Variants in ACYP2 observed in about 807,000 individuals in gnomAD.
ACYP2 encodes acylphosphatase 2.
In ACYP2, 12 loss-of-function variants were observed where a neutral mutation model predicts 11.2. The observed-to-expected ratio is 1.08, with a 90% CI of 0.69 to 1.74. The LOEUF (loss-of-function observed/expected upper bound fraction) is 1.74. Among genes scored for constraint, ACYP2 ranks in the 40% most tolerant of loss-of-function variants. ACYP2 has a pLI of 0.00. For missense variants in ACYP2, 134 were observed against 101.9 expected (o/e 1.31, Z -1.35); for synonymous variants, 43 against 32.2 (o/e 1.33, Z -1.13).
At chr2:54,195,658 A>C (rs34716415) in intron 6 of ACYP2, among the ~76,000 whole-genome samples, 1 of 146,440 alleles carries the variant, frequency 6.8e-6, no homozygotes, top group African/African-American at 2.5e-5. Context: ...AAAACAAAAC[A>C]CTGTACTAAC....
intron 6 of ACYP2, among the ~76,000 whole-genome samples, chr2:54,158,109 T>A (rs1359765063): frequency 6.6e-6 from 1 of 151,898 alleles, no homozygotes; most frequent in African/African-American, 2.4e-5. Context: ...CGCTGCAACC[T>A]CTGCCTCCCA....
chr2:54,222,033 A>C (rs1685820356), intron 6 of ACYP2, among the ~76,000 whole-genome samples: 1 of 152,162 alleles, frequency 6.6e-6, no homozygotes, highest in Admixed American at 6.5e-5. Context: ...GGCAGTCAAC[A>C]CATATTTATT....
chr2:54,221,283 A>T (rs1008434446), intron 6 of ACYP2, among the ~76,000 whole-genome samples: 2 of 152,202 alleles, frequency 1.3e-5, no homozygotes, highest in African/African-American at 4.8e-5. Flanking sequence ...AAGTCACTAA[A>T]TTTGGGGTGC....
intron 4 of ACYP2, among the ~76,000 whole-genome samples, chr2:54,066,745 G>C (rs930937311): frequency 1.3e-5 from 2 of 152,192 alleles, no homozygotes; most frequent in African/African-American, 2.4e-5. Flanking sequence ...AGTTAAAGAA[G>C]TAGTTAAAGG....
At chr2:54,255,978 C>T (rs1294411786) in intron 6 of ACYP2, 3 of 1,614,148 alleles carry the variant, frequency 1.9e-6, no homozygotes, top group Admixed American at 1.7e-5. Context: ...GGGGCGCGAC[C>T]CCCTCCTCTG....
intron 6 of ACYP2, among the ~76,000 whole-genome samples, chr2:54,204,318 T>A (rs1045228460): frequency 1.3e-5 from 2 of 151,894 alleles, no homozygotes; most frequent in African/African-American, 4.8e-5. Flanking sequence ...TTTTATGATT[T>A]TTTTTTTCAG....
At chr2:54,212,306 C>T (rs190521537) in intron 6 of ACYP2, among the ~76,000 whole-genome samples, 51 of 152,254 alleles carry the variant, frequency 3.3e-4, no homozygotes, top group Non-Finnish European at 1.6e-4. Context: ...GATGGATTGC[C>T]TTTCACATTG....
At chr2:54,280,455 G>A (rs755701359) in intron 6 of ACYP2, among the ~76,000 whole-genome samples, 9 of 152,086 alleles carry the variant, frequency 5.9e-5, no homozygotes, top group Non-Finnish European at 1.3e-4. Context: ...CAGCTTTCAT[G>A]ATAAACATGG....
intron 6 of ACYP2, among the ~76,000 whole-genome samples, chr2:54,240,178 A>C (rs1254361991): frequency 6.6e-6 from 1 of 152,164 alleles, no homozygotes; most frequent in African/African-American, 2.4e-5. Flanking sequence ...ATGCCCATAG[A>C]GTCTGTAGCT....
intron 6 of ACYP2, among the ~76,000 whole-genome samples, chr2:54,269,373 A>G (rs1400666602): frequency 6.6e-6 from 1 of 152,244 alleles, no homozygotes; most frequent in Non-Finnish European, 1.5e-5. Flanking sequence ...ATTCACAGTT[A>G]AAAGATGAAG....
chr2:53,975,846 A>G (rs113129057), intron 2 of ACYP2, among the ~76,000 whole-genome samples: 1 of 152,144 alleles, frequency 6.6e-6, no homozygotes, highest in Non-Finnish European at 1.5e-5. Context: ...AAACAAAAAA[A>G]ACAGGATGTT....
chr2:54,067,306 C>T (rs1676799861), intron 4 of ACYP2, among the ~76,000 whole-genome samples: 1 of 152,138 alleles, frequency 6.6e-6, no homozygotes, highest in Non-Finnish European at 1.5e-5. Flanking sequence ...TACCACAAAG[C>T]TGTAAAGCAT....
intron 4 of ACYP2, among the ~76,000 whole-genome samples, chr2:54,102,105 T>C (rs1271062224): frequency 6.6e-6 from 1 of 152,206 alleles, no homozygotes; most frequent in African/African-American, 2.4e-5. Flanking sequence ...ATGTATATAA[T>C]TTTTAAGGCT....
At chr2:54,110,864 A>T (rs1679422684) in intron 4 of ACYP2, among the ~76,000 whole-genome samples, 1 of 152,024 alleles carries the variant, frequency 6.6e-6, no homozygotes, top group Non-Finnish European at 1.5e-5. Context: ...ACCTGAGGAA[A>T]GGAAAGAGGA....
At chr2:54,281,681 C>T (rs1688855659) in intron 6 of ACYP2, among the ~76,000 whole-genome samples, 1 of 152,132 alleles carries the variant, frequency 6.6e-6, no homozygotes, top group Non-Finnish European at 1.5e-5. Flanking sequence ...CAAAAGCTTA[C>T]TCTTGTGAAT....
intron 1 of ACYP2, among the ~76,000 whole-genome samples, chr2:53,972,932 T>C (rs1399193630): frequency 6.6e-6 from 1 of 152,184 alleles, no homozygotes; most frequent in Admixed American, 6.5e-5. Context: ...GAGATGCAGA[T>C]TAGCGTGTAG....
chr2:54,124,351 C>A (rs1256748939), intron 4 of ACYP2, among the ~76,000 whole-genome samples: 1 of 152,130 alleles, frequency 6.6e-6, no homozygotes, highest in Admixed American at 6.5e-5. Flanking sequence ...TGTGCCACCA[C>A]GCCTGGCTAA....
At chr2:53,978,291 C>A (rs1671592749) in intron 2 of ACYP2, among the ~76,000 whole-genome samples, 1 of 150,458 alleles carries the variant, frequency 6.6e-6, no homozygotes, top group Admixed American at 6.6e-5. Flanking sequence ...ACTTCTAATT[C>A]TAAAATATTA....
At chr2:54,125,742 C>G (rs540053413) in intron 4 of ACYP2, among the ~76,000 whole-genome samples, 1 of 147,344 alleles carries the variant, frequency 6.8e-6, no homozygotes, top group South Asian at 2.1e-4. Context: ...AAGAACGAGA[C>G]TATGTCTCAA....
Sources: gnomAD v4.1 joint callset for allele counts (sites outside exome capture counted in the v4.1 genomes callset) on GRCh38, gnomAD v4.1.1 for gene constraint, MANE v1.5 for transcripts, NCBI Gene and HGNC (gene_info 2026-07-23, HGNC 2026-07-21) for gene names.